The following C2CD5 variants were observed in gnomAD, a reference collection of about 807,000 sequenced individuals.
C2CD5 encodes the protein C2 domain-containing protein 5.
Under a neutral mutation model 130.3 loss-of-function variants are expected in C2CD5, and 109 were observed. The observed-to-expected ratio is 0.84, with a 90% CI of 0.72 to 0.98. C2CD5 has a LOEUF of 0.98. Ranked by LOEUF, C2CD5 falls within the 50% of genes least tolerant of loss-of-function variation. The probability of loss-of-function intolerance (pLI) is 0.00; values close to 1 mark genes in which losing one functional copy is unlikely to be tolerated. For synonymous variants in C2CD5, 454 were observed against 429.2 expected (o/e 1.06, Z -0.71); for missense variants, 996 against 1,261.8 (o/e 0.79, Z 3.19).
chr12:22,472,544 G>A, intron 17 of C2CD5, 197 bp from the exon 18 acceptor site: 1 of 618,170 alleles, frequency 1.6e-6, no homozygotes, highest in Non-Finnish European at 2.9e-6. Flanking sequence ...AAATATAAAA[G>A]GACTAAAAAT....
intron 3 of C2CD5, 121 bp downstream of exon 3, chr12:22,535,137 G>T: frequency 1.5e-6 from 1 of 666,604 alleles, no homozygotes; most frequent in Non-Finnish European, 2.7e-6. Flanking sequence ...AAGCAGAAAA[G>T]AAAATATTTT....
chr12:22,521,561 C>T (rs1256787882), intron 7 of C2CD5, among the ~76,000 whole-genome samples: 3 of 152,064 alleles, frequency 2.0e-5, no homozygotes, highest in Admixed American at 2.0e-4. Context: ...AAATTTGCTA[C>T]AGAGAGAGGG....
At chr12:22,490,481 TA>T (rs1453716022) in intron 11 of C2CD5, among the ~76,000 whole-genome samples, 5 of 152,036 alleles carry the variant, frequency 3.3e-5, no homozygotes, top group African/African-American at 1.2e-4. Context: ...TAACTTCATT[TA>T]AAATATGGCA....
chr12:22,482,991 A>T (rs1234825553), intron 13 of C2CD5, among the ~76,000 whole-genome samples: 1 of 152,176 alleles, frequency 6.6e-6, no homozygotes. Flanking sequence ...ACAACAGGGT[A>T]TCTACAGTCA....
At chr12:22,453,810 TTC>T in intron 26 of C2CD5, 84 bp downstream of exon 26, 1 of 1,225,302 alleles carries the variant, frequency 8.2e-7, no homozygotes, top group Non-Finnish European at 1.2e-6. Flanking sequence ...TAAAGAGCAA[TTC>T]TCTTTTGGAG....
chr12:22,485,978 C>T (rs192449600), intron 12 of C2CD5, among the ~76,000 whole-genome samples: 107 of 151,886 alleles, frequency 7.0e-4, no homozygotes, highest in East Asian at 1.2e-3. Context: ...AAGCATTATA[C>T]GAGTCAAATG....
chr12:22,471,439 A>G lies in C2CD5; in HGVS notation c.2318T>C (p.Val773Ala). Residue 773 changes from valine to alanine, a missense_variant, in exon 20 of 27, where the codon GTA (valine) becomes GCA (alanine). Coordinates refer to ENST00000446597, the MANE Select transcript of C2CD5 (RefSeq NM_001286176.2). ...RSMIPCCLCH[V>A]NFTVSLPEDE... is the part of the protein sequence containing the mutation. ...TTCAGGCAGAGATACTGTAAAATTT[A>G]CATGGCAAAGGCAGCAGGGGATCAT... is the stretch of plus-strand genomic sequence containing the variant. 6.2e-7 allele frequency: 1 copy of G among 1,600,328 alleles called. No homozygotes were observed. Among genetic ancestry groups the G allele is most frequent in the Non-Finnish European group, 8.6e-7 (1 of 1,168,292 alleles).
chr12:22,542,568 AAAATCCTGGGTGTCCTT>A (rs1293837626), intron 2 of C2CD5, among the ~76,000 whole-genome samples: 21 of 152,340 alleles, frequency 1.4e-4, no homozygotes, highest in Admixed American at 1.4e-3. Flanking sequence ...TTTGCCTGGT[AAAATCCTGGGTGTCCTT>A]CAAGGCCCAC....
At chr12:22,517,863 A>G in intron 8 of C2CD5, 123 bp downstream of exon 8, 1 of 700,278 alleles carries the variant, frequency 1.4e-6, no homozygotes, top group South Asian at 2.0e-5. Flanking sequence ...AATGGTCAGT[A>G]TTCACATTTT....
chr12:22,462,318 T>C (rs1381896039), intron 22 of C2CD5, among the ~76,000 whole-genome samples: 1 of 152,212 alleles, frequency 6.6e-6, no homozygotes, highest in Non-Finnish European at 1.5e-5. Flanking sequence ...CCCTTCTAGC[T>C]GCAAACAGTC....
intron 2 of C2CD5, among the ~76,000 whole-genome samples, chr12:22,543,593 G>GGT (rs1435277242): frequency 2.6e-5 from 4 of 152,152 alleles, no homozygotes; most frequent in African/African-American, 7.2e-5. Flanking sequence ...CCCTTCCAAG[G>GGT]GTGTGTGTGT....
chr12:22,468,392 A>AT (rs1311608414), intron 22 of C2CD5, among the ~76,000 whole-genome samples: 1 of 151,834 alleles, frequency 6.6e-6, no homozygotes, highest in Admixed American at 6.6e-5. Context: ...CTCATTATTT[A>AT]TTTTTTGTAG....
At chr12:22,474,552 T>C (rs1312590187) in intron 16 of C2CD5, among the ~76,000 whole-genome samples, 199 bp downstream of exon 16, 3 of 152,194 alleles carry the variant, frequency 2.0e-5, no homozygotes, top group Non-Finnish European at 4.4e-5. Context: ...ATCTGCATTA[T>C]TGTATCAGTG....
intron 10 of C2CD5, among the ~76,000 whole-genome samples, chr12:22,494,966 G>T (rs1946826194): frequency 6.6e-6 from 1 of 151,930 alleles, no homozygotes; most frequent in Non-Finnish European, 1.5e-5. Context: ...TCCTAAAAGA[G>T]AATTTTTCTA....
At position 22,523,633 on chromosome 12, in the gene C2CD5, C is replaced by G. The variant is rs778840090; in HGVS notation, c.602-9G>C. The G allele has an allele frequency of 1.6e-5, 26 of 1,605,222 alleles. No homozygotes were observed. The South Asian group carries it at 2.4e-4, about 15-fold the overall frequency. On this transcript the variant is annotated splice_polypyrimidine_tract_variant and intron_variant, in intron 6 of 26. Coordinates refer to ENST00000446597, the MANE Select transcript of C2CD5 (RefSeq NM_001286176.2). ...CTTCCTCTGCAGCTCACCTACAAAA[C>G]ATGGGAAATCTCATTCTTGCTTTGT...
intron 14 of C2CD5, 38 bp downstream of exon 14, chr12:22,482,519 G>C: frequency 2.0e-6 from 3 of 1,536,376 alleles, no homozygotes; most frequent in Non-Finnish European, 2.7e-6. Context: ...CTATAATTAA[G>C]GAAATCATAA....
rs764902621 is a variant in C2CD5, at chr12:22,471,420, C to A, written c.2337G>T (p.Leu779=). 6.4e-7 allele frequency: 1 copy of A among 1,572,000 alleles called. No homozygotes were observed. Among genetic ancestry groups the A allele is most frequent in the East Asian group, 2.2e-5 (1 of 44,504 alleles). The change falls in exon 20 of 27, where the codon CTG becomes CTT. Residue 779 remains leucine (L), a synonymous_variant. Coordinates refer to ENST00000446597, the MANE Select transcript of C2CD5 (RefSeq NM_001286176.2). ...CLCHVNFTVS[L]PEDELIQVTV... ...TTACCTGAATTAATTCATCTTCAGG[C>A]AGAGATACTGTAAAATTTACATGGC... is the stretch of plus-strand genomic sequence containing the variant.
intron 16 of C2CD5, 152 bp from the exon 17 acceptor site, chr12:22,472,959 C>A: frequency 1.7e-6 from 1 of 599,500 alleles, no homozygotes; most frequent in Non-Finnish European, 3.0e-6. Context: ...CAGTAAATTT[C>A]TCCACAGTAA....
rs555652229 is a variant in C2CD5, at chr12:22,518,027, G to A, written c.911C>T (p.Ser304Phe). 1.2e-6 allele frequency: 2 copies of A among 1,613,924 alleles called. No homozygotes were observed. The highest frequency in any genetic ancestry group is 1.7e-6 in the Non-Finnish European group (2 of 1,179,840). Reference sequence around the variant, plus strand: ...ACTCAAATCTGTGTCAGAAGAAGAGGACTGTCGACTGTAGGACTTGGAAGG... The same window carrying A: ...ACTCAAATCTGTGTCAGAAGAAGAGAACTGTCGACTGTAGGACTTGGAAGG... ...FSPSKSYSRQ[S>F]SSSDTDLSLT... Residue 304 changes from serine (S) to phenylalanine (F), a missense_variant, in exon 8 of 27, where the codon TCC becomes TTC. By Grantham distance (155) the Ser-to-Phe change is radical. Coordinates refer to ENST00000446597, the MANE Select transcript of C2CD5 (RefSeq NM_001286176.2).
Sources: gnomAD v4.1 joint callset for allele counts (sites outside exome capture counted in the v4.1 genomes callset) on GRCh38, gnomAD v4.1.1 for gene constraint, MANE v1.5 for transcripts, NCBI Gene and HGNC (gene_info 2026-07-23, HGNC 2026-07-21) for gene names.